GSPT1: variants seen among roughly 807,000 people sequenced by gnomAD.
GSPT1 encodes eukaryotic peptide chain release factor GTP-binding subunit ERF3A.
In GSPT1, 20 loss-of-function variants were observed where a neutral mutation model predicts 72.5. That is an observed-to-expected ratio of 0.28 (90% CI 0.19 to 0.40). The LOEUF (loss-of-function observed/expected upper bound fraction) is 0.40, where lower values mean the gene tolerates loss of function less well. Among genes scored for constraint, GSPT1 ranks in the 10% least tolerant of loss-of-function variants. The pLI is 1.00. For synonymous variants in GSPT1, 334 were observed against 293.5 expected, an observed-to-expected ratio of 1.14 and a Z score of -1.41; for missense variants, 580 against 811.9, an observed-to-expected ratio of 0.71 and a Z score of 3.47.
At chr16:11,878,594 TAAAA>T (rs71136693) in intron 11 of GSPT1, among the ~76,000 whole-genome samples, 1 of 131,002 alleles carries the variant, frequency 7.6e-6, no homozygotes, top group Admixed American at 7.9e-5. Flanking sequence ...ACCCTGTCTT[TAAAA>T]AAAAAAAAAA....
At chr16:11,894,093 C>T (rs1400273022) in intron 5 of GSPT1, among the ~76,000 whole-genome samples, 2 of 129,350 alleles carry the variant, frequency 1.5e-5, no homozygotes. Context: ...GAGGTCGAGG[C>T]TGCAGTGAGC....
intron 11 of GSPT1, among the ~76,000 whole-genome samples, chr16:11,879,554 G>A (rs184209580): frequency 6.6e-6 from 1 of 152,052 alleles, no homozygotes; most frequent in African/African-American, 2.4e-5. Flanking sequence ...CCAACACGGT[G>A]AAATCCTGTC....
chr16:11,882,883 A>G, intron 11 of GSPT1, 132 bp downstream of exon 11: 1 of 612,118 alleles, frequency 1.6e-6, no homozygotes, highest in Non-Finnish European at 2.9e-6. Flanking sequence ...GGATTGCTTG[A>G]AAGTTTGAGG....
rs2054358062 is a variant in GSPT1, at chr16:11,897,769, T to C, written c.436+71A>G. The C allele has an allele frequency of 1.4e-5, 11 of 772,114 alleles. No individual in the cohort carries two copies. The South Asian group carries it at 1.5e-4, about 10-fold the overall frequency. The allele number at this position is 772,114 out of a possible 1,614,324, so 47.8% of individuals were successfully genotyped here. A position where few individuals can be genotyped will look rare whatever the true frequency, so the allele number is the denominator to read the frequency against. ...GGCATTACAATAATCGTAACTTACATAATGCACCTTAAATCTTGAGAGTGA... is the reference window on the plus strand; with the variant it reads ...GGCATTACAATAATCGTAACTTACACAATGCACCTTAAATCTTGAGAGTGA... On this transcript the variant is annotated intron_variant, in intron 3 of 14. Coordinates refer to ENST00000434724, the MANE Select transcript of GSPT1 (RefSeq NM_002094.4).
At chr16:11,886,297 G>A (rs904107846) in intron 9 of GSPT1, among the ~76,000 whole-genome samples, 174 bp downstream of exon 9, 3 of 152,196 alleles carry the variant, frequency 2.0e-5, no homozygotes, top group Middle Eastern at 3.4e-3. Context: ...TTAAAAATGG[G>A]CAAAGATCTT....
rs934745805 is a variant in GSPT1, at chr16:11,872,356, GAAATCATGTTAC to G, written c.*751_*762del. 12 of 139,258 alleles carry G rather than the reference GAAATCATGTTAC, an allele frequency of 8.6e-5. No homozygotes were observed. The highest frequency in any genetic ancestry group is 1.7e-4 in the Non-Finnish European group (11 of 64,518). 8.6% of individuals were successfully genotyped at this position (139,258 alleles called of 1,614,324 possible). On this transcript the variant is annotated 3_prime_UTR_variant, in exon 15 of 15. Transcript: ENST00000434724. Reference sequence around the variant, plus strand: ...TTTTAAAACAACTTACTGTGTTCAAGAAATCATGTTACAATATAAATTGGCAAAAAAAAAAAA... The same window carrying G: ...TTTTAAAACAACTTACTGTGTTCAAGAATATAAATTGGCAAAAAAAAAAAA...
intron 1 of GSPT1, among the ~76,000 whole-genome samples, chr16:11,910,233 T>C (rs2054541249): frequency 6.6e-6 from 1 of 152,230 alleles, no homozygotes; most frequent in South Asian, 2.1e-4. Flanking sequence ...AGATAATAGA[T>C]AAATCTTTAG....
chr16:11,882,241 C>G (rs1006683786), intron 11 of GSPT1: 25 of 152,318 alleles, frequency 1.6e-4, no homozygotes, highest in African/African-American at 5.8e-4. Context: ...GGGTGAGACT[C>G]CATCTCAAAA....
At position 11,870,469 on chromosome 16, in the gene GSPT1, A is replaced by C. The variant is rs2053966389; in HGVS notation, c.*2650T>G. ...GAGCAACGTTAGAGAACAAATGCTT[A>C]GGTAATACCCTAAATATGCAGCCAA... On this transcript the variant is annotated 3_prime_UTR_variant, in exon 15 of 15. Coordinates refer to ENST00000434724, the MANE Select transcript of GSPT1 (RefSeq NM_002094.4). The C allele has an allele frequency of 6.6e-6, 1 of 152,274 alleles. No homozygotes were observed. The highest frequency in any genetic ancestry group is 1.5e-5 in the Non-Finnish European group (1 of 68,040). The allele number at this position is 152,274 out of a possible 1,614,324, so 9.4% of individuals were successfully genotyped here.
chr16:11,905,019 G>A (rs973936610), intron 1 of GSPT1, among the ~76,000 whole-genome samples: 1 of 152,220 alleles, frequency 6.6e-6, no homozygotes, highest in African/African-American at 2.4e-5. Flanking sequence ...AGTGAGCGGT[G>A]ATCACACCAC....
In GSPT1 at chr16:11,915,724, CG is replaced by C. The variant is rs761376116; in HGVS notation, c.-5del. 2.8e-5 allele frequency: 42 copies of C among 1,513,944 alleles called. No individual in the cohort carries two copies. Among genetic ancestry groups the C allele is most frequent in the Admixed American group, 8.4e-5 (4 of 47,564 alleles). The allele number at this position is 1,513,944 out of a possible 1,614,324, so 93.8% of individuals were successfully genotyped here. A position where few individuals can be genotyped will look rare whatever the true frequency, so the allele number is the denominator to read the frequency against. Reference sequence around the variant, plus strand: ...CGCCGCCACTGCCCGGATCCATGATCGGGGGGGCCGTGTGTGTGGTGGACAG... The same window carrying C: ...CGCCGCCACTGCCCGGATCCATGATCGGGGGGCCGTGTGTGTGGTGGACAG... On this transcript the variant is annotated 5_prime_UTR_variant, in exon 1 of 15. Transcript: ENST00000434724.
chr16:11,873,187 TA>T lies in GSPT1; in HGVS notation c.1862-17del. 6 of 1,431,792 alleles carry T rather than the reference TA, an allele frequency of 4.2e-6. No homozygotes were observed. The highest frequency in any genetic ancestry group is 5.9e-6 in the Non-Finnish European group (6 of 1,017,026). 88.7% of individuals were successfully genotyped at this position (1,431,792 alleles called of 1,614,324 possible). ...ATGGTCTTACCTAGAAATGAAATTT[TA>T]AAAAAATCTTTCAGTAGTTAACAGC... On this transcript the variant is annotated splice_polypyrimidine_tract_variant and intron_variant, in intron 14 of 14. Transcript: ENST00000434724.
intron 9 of GSPT1, among the ~76,000 whole-genome samples, chr16:11,886,191 G>GA (rs1378031569): frequency 6.6e-6 from 1 of 152,030 alleles, no homozygotes; most frequent in East Asian, 1.9e-4. Context: ...TAAAGTGGGA[G>GA]AAAATACTTG....
At chr16:11,913,405 TA>T (rs2054585263) in intron 1 of GSPT1, among the ~76,000 whole-genome samples, 1 of 152,264 alleles carries the variant, frequency 6.6e-6, no homozygotes, top group African/African-American at 2.4e-5. Flanking sequence ...CGGATTCTCT[TA>T]CTGACAGCTA....
rs1162636091 is a variant in GSPT1 at position 11,891,154 on chromosome 16, AG to A, written c.699-16del. 2.2e-6 allele frequency: 3 copies of A among 1,345,638 alleles called. No homozygotes were observed. The highest frequency in any genetic ancestry group is 3.0e-6 in the Non-Finnish European group (3 of 984,608). The allele number at this position is 1,345,638 out of a possible 1,614,324, so 83.4% of individuals were successfully genotyped here. On this transcript the variant is annotated splice_polypyrimidine_tract_variant and intron_variant, in intron 5 of 14. Coordinates refer to ENST00000434724, the MANE Select transcript of GSPT1 (RefSeq NM_002094.4). Reference sequence around the variant, plus strand: ...CAGTCAAATACCTGAAAACATTTAAAGAAAAAAAAAAGTAAACAATTACTCA... The same window carrying A: ...CAGTCAAATACCTGAAAACATTTAAAAAAAAAAAAAGTAAACAATTACTCA...
rs2053948825 is a variant in GSPT1, at chr16:11,868,939, A to G, written c.*4180T>C. The G allele has an allele frequency of 6.6e-6, 1 of 152,140 alleles. No individual in the cohort carries two copies. Among genetic ancestry groups the G allele is most frequent in the Non-Finnish European group, 1.5e-5 (1 of 68,024 alleles). 9.4% of individuals were successfully genotyped at this position (152,140 alleles called of 1,614,324 possible). A position where few individuals can be genotyped will look rare whatever the true frequency, so the allele number is the denominator to read the frequency against. ...GGTTTTAATTAATCTCCACTCCCAC[A>G]CCTTCAGGCCCTTATAATAATCCTT... On this transcript the variant is annotated 3_prime_UTR_variant, in exon 15 of 15. Coordinates refer to ENST00000434724, the MANE Select transcript of GSPT1 (RefSeq NM_002094.4).
At chr16:11,914,844 G>T (rs530694512) in intron 1 of GSPT1, 4 of 401,508 alleles carry the variant, frequency 1.0e-5, no homozygotes, top group Non-Finnish European at 1.8e-5. Flanking sequence ...CCTTCAGGAC[G>T]GTTGGGGGCC....
chr16:11,878,924 C>A (rs573317245), intron 11 of GSPT1, among the ~76,000 whole-genome samples: 3 of 151,110 alleles, frequency 2.0e-5, no homozygotes, highest in African/African-American at 7.3e-5. Flanking sequence ...AGAAAAAAAA[C>A]AATTAGCTTG....
At position 11,891,086 on chromosome 16, in the gene GSPT1, G is replaced by T; in HGVS notation, c.752C>A (p.Ala251Asp). The T allele has an allele frequency of 1.3e-6, 2 of 1,490,006 alleles. No homozygotes were observed. Among genetic ancestry groups the T allele is most frequent in the Non-Finnish European group, 1.8e-6 (2 of 1,101,048 alleles). The allele number at this position is 1,490,006 out of a possible 1,614,324, so 92.3% of individuals were successfully genotyped here. A position where few individuals can be genotyped will look rare whatever the true frequency, so the allele number is the denominator to read the frequency against. Reference protein sequence around the residue: ...KRTLEKYEREAKEKNRETWYL... With the variant: ...KRTLEKYEREDKEKNRETWYL... ...CCAAGTTTCTCTGTTTTTCTCTTTA[G>T]CTTCTCTTTCATACTTTTCAAGCGT... Residue 251 changes from alanine to aspartate, a missense_variant, in exon 6 of 15, where the codon GCT (alanine) becomes GAT (aspartate). Physicochemically the swap from Ala to Asp is moderately radical, Grantham distance 126. This residue lies in a region of GSPT1 where 51 missense variants were observed against 118.2 expected (regional missense o/e 0.43). Coordinates refer to ENST00000434724, the MANE Select transcript of GSPT1 (RefSeq NM_002094.4).
Sources: allele counts gnomAD v4.1 joint callset (sites outside exome capture counted in the v4.1 genomes callset), GRCh38; gene constraint gnomAD v4.1.1; regional missense constraint gnomAD v4.1.1; transcripts MANE v1.5; gene names NCBI Gene and HGNC (gene_info 2026-07-23, HGNC 2026-07-21).